Variants in CDCA4 observed in about 807,000 individuals in gnomAD.
CDCA4 encodes the protein cell division cycle-associated protein 4.
For missense variants in CDCA4, 294 were observed against 322.1 expected, an observed-to-expected ratio of 0.91 and a Z score of 0.67; for synonymous variants, 130 against 137.0, an observed-to-expected ratio of 0.95 and a Z score of 0.36.
chr14:105,019,159 T>TA (rs1404016241), intron 1 of CDCA4, among the ~76,000 whole-genome samples: 1 of 152,090 alleles, frequency 6.6e-6, no homozygotes, highest in Non-Finnish European at 1.5e-5. Flanking sequence ...CTCAGGCTTC[T>TA]AAACCAAGCA....
intron 1 of CDCA4, among the ~76,000 whole-genome samples, chr14:105,017,842 A>G (rs1886123975): frequency 6.8e-6 from 1 of 147,388 alleles, no homozygotes; most frequent in Non-Finnish European, 1.5e-5. Flanking sequence ...AAAAAAAAAC[A>G]CACACACACA....
At chr14:105,018,783 C>T (rs1208925751) in intron 1 of CDCA4, among the ~76,000 whole-genome samples, 2 of 151,076 alleles carry the variant, frequency 1.3e-5, no homozygotes, top group African/African-American at 4.9e-5. Context: ...GTCCCCCAGG[C>T]TGGAGTGCAG....
At position 105,016,171 on chromosome 14, in the gene CDCA4, C is replaced by T. The variant is rs150908469; in HGVS notation, c.-6-4236G>A. 7.2e-5 allele frequency among the ~76,000 whole-genome samples: 11 copies of T among 152,306 alleles called. No homozygotes were observed. In the East Asian group the frequency reaches 2.1e-3, roughly 29 times the overall value. Reference sequence around the variant, plus strand: ...CTGTTCTCACCTGGTTGCTTATTTCCACAGCTCACCATAGACAATCTGGAA... The same window carrying T: ...CTGTTCTCACCTGGTTGCTTATTTCTACAGCTCACCATAGACAATCTGGAA... On this transcript the variant is annotated intron_variant, in intron 1 of 1. Coordinates refer to ENST00000336219, the MANE Select transcript of CDCA4 (RefSeq NM_017955.4).
intron 1 of CDCA4, among the ~76,000 whole-genome samples, chr14:105,014,520 CAT>C (rs1287396736): frequency 6.6e-6 from 1 of 152,220 alleles, no homozygotes; most frequent in Non-Finnish European, 1.5e-5. Context: ...CTCACACCTG[CAT>C]ACACCAGCTT....
intron 1 of CDCA4, among the ~76,000 whole-genome samples, 189 bp from the exon 2 acceptor site, chr14:105,012,124 G>C (rs1450666716): frequency 6.6e-6 from 1 of 152,172 alleles, no homozygotes; most frequent in Non-Finnish European, 1.5e-5. Context: ...CCCACCCCCA[G>C]ATCAGCTGCC....
chr14:105,015,199 G>A (rs1159341393), intron 1 of CDCA4, among the ~76,000 whole-genome samples: 1 of 152,052 alleles, frequency 6.6e-6, no homozygotes, highest in Admixed American at 6.6e-5. Context: ...AGACCCTCCC[G>A]CCCTTTTCTG....
chr14:105,017,027 C>A (rs928790961), intron 1 of CDCA4, among the ~76,000 whole-genome samples: 9 of 152,282 alleles, frequency 5.9e-5, no homozygotes, highest in African/African-American at 1.9e-4. Flanking sequence ...AAGAAATAAT[C>A]GTTTTATAAA....
chr14:105,011,675 C>T lies in CDCA4; in HGVS notation c.255G>A (p.Gln85=), dbSNP rs776082998. 8.1e-6 allele frequency: 13 copies of T among 1,613,644 alleles called. No individual in the cohort carries two copies. Among genetic ancestry groups the T allele is most frequent in the Non-Finnish European group, 1.1e-5 (13 of 1,180,008 alleles). The change falls in exon 2 of 2, where the codon CAG becomes CAA. Residue 85 remains glutamine, a synonymous_variant. Transcript: ENST00000336219. The stretch of plus-strand genomic sequence containing the variant: ...GGTCGAGCGGCGCCCGCTCTGCAGC[C>T]TGGGGTGCCACTGTGCGCCACGTCC... ...QDGTWRTVAP[Q]AAERAPLDRL...
In CDCA4 at chr14:105,010,963, G is replaced by A; in HGVS notation, c.*241C>T. Reference sequence around the variant, plus strand: ...AAAGAGACACGAGGGGCCCAGGGCTGTGGGGACGTCAGAAGACAAGAAGCC... The same window carrying A: ...AAAGAGACACGAGGGGCCCAGGGCTATGGGGACGTCAGAAGACAAGAAGCC... On this transcript the variant is annotated 3_prime_UTR_variant, in exon 2 of 2. Coordinates refer to ENST00000336219, the MANE Select transcript of CDCA4 (RefSeq NM_017955.4). The A allele has an allele frequency of 1.8e-6, 1 of 570,868 alleles. No homozygotes were observed. Among genetic ancestry groups the A allele is most frequent in the Non-Finnish European group, 3.1e-6 (1 of 324,298 alleles). The allele number at this position is 570,868 out of a possible 1,614,324, so 35.4% of individuals were successfully genotyped here.
Position 105,011,313 on chromosome 14 carries a change from G to A in CDCA4, c.617C>T (p.Pro206Leu), listed in dbSNP as rs893015818. The change falls in exon 2 of 2, where the codon CCC becomes CTC. Residue 206 changes from proline to leucine, a missense_variant. Transcript: ENST00000336219. ...TGMMGGARPG[P>L]CEGLEGLAPA... ...AGCCAAGCCCTCGAGCCCTTCGCAG[G>A]GGCCCGGCCTGGCACCCCCCATCAT... 1.9e-6 allele frequency: 3 copies of A among 1,613,992 alleles called. No individual in the cohort carries two copies. Among genetic ancestry groups the A allele is most frequent in the Non-Finnish European group, 2.5e-6 (3 of 1,180,006 alleles).
chr14:105,013,503 C>A (rs1900559090), intron 1 of CDCA4, among the ~76,000 whole-genome samples: 1 of 152,220 alleles, frequency 6.6e-6, no homozygotes, highest in Non-Finnish European at 1.5e-5. Context: ...AACTTTGGAA[C>A]TTCTTTTTCT....
In CDCA4 at chr14:105,010,973, C is replaced by T; in HGVS notation, c.*231G>A. ...GAGGGGCCCAGGGCTGTGGGGACGT[C>T]AGAAGACAAGAAGCCTTCCAGAACA... On this transcript the variant is annotated 3_prime_UTR_variant, in exon 2 of 2. Coordinates refer to ENST00000336219, the MANE Select transcript of CDCA4 (RefSeq NM_017955.4). 1 of 581,600 alleles carries T rather than the reference C, an allele frequency of 1.7e-6. No individual in the cohort carries two copies. The highest frequency in any genetic ancestry group is 3.0e-6 in the Non-Finnish European group (1 of 331,978). 36.0% of individuals were successfully genotyped at this position (581,600 alleles called of 1,614,324 possible).
At chr14:105,013,548 A>G (rs1485999998) in intron 1 of CDCA4, among the ~76,000 whole-genome samples, 1 of 152,230 alleles carries the variant, frequency 6.6e-6, no homozygotes, top group African/African-American at 2.4e-5. Context: ...TGACCAGGGT[A>G]TACCCAGGTG....
chr14:105,015,162 C>T (rs1455499419), intron 1 of CDCA4, among the ~76,000 whole-genome samples: 1 of 152,158 alleles, frequency 6.6e-6, no homozygotes, highest in Non-Finnish European at 1.5e-5. Flanking sequence ...CTTAGAAATG[C>T]CAGGTCCTGA....
chr14:105,009,576 G>GA lies in CDCA4; in HGVS notation c.*1627dup, dbSNP rs1900441143. The GA allele has an allele frequency of 1.3e-5, 2 of 152,128 alleles. No homozygotes were observed. Among genetic ancestry groups the GA allele is most frequent in the Admixed American group, 1.3e-4 (2 of 15,268 alleles). The allele number at this position is 152,128 out of a possible 1,614,324, so 9.4% of individuals were successfully genotyped here. A position where few individuals can be genotyped will look rare whatever the true frequency, so the allele number is the denominator to read the frequency against. ...AGGCACTACAACTACTACTAATGCTGAACAAATGATGTTTCTAAAAGATAA... is the reference window on the plus strand; with the variant it reads ...AGGCACTACAACTACTACTAATGCTGAAACAAATGATGTTTCTAAAAGATAA... On this transcript the variant is annotated 3_prime_UTR_variant, in exon 2 of 2. Transcript: ENST00000336219.
Position 105,011,233 on chromosome 14 carries a change from G to A in CDCA4, c.697C>T (p.His233Tyr). ...GTCTCCACCAGGATCTCCACCACGTGGTCCAGCTCGCCCAGGTCGGACTTG... is the reference window on the plus strand; with the variant it reads ...GTCTCCACCAGGATCTCCACCACGTAGTCCAGCTCGCCCAGGTCGGACTTG... Reference protein sequence around the residue: ...SCKSDLGELDHVVEILVET With the variant: ...SCKSDLGELDYVVEILVET The change falls in exon 2 of 2, where the codon CAC (histidine) becomes TAC (tyrosine). Residue 233 changes from histidine (H) to tyrosine (Y), a missense_variant. Physicochemically the swap from His to Tyr is moderately conservative, Grantham distance 83 (BLOSUM62 2). Transcript: ENST00000336219. The A allele has an allele frequency of 6.2e-7, 1 of 1,612,358 alleles. No homozygotes were observed. The highest frequency in any genetic ancestry group is 8.5e-7 in the Non-Finnish European group (1 of 1,179,328).
At chr14:105,020,350 C>T (rs901706265) in intron 1 of CDCA4, among the ~76,000 whole-genome samples, 1 of 152,230 alleles carries the variant, frequency 6.6e-6, no homozygotes, top group East Asian at 1.9e-4. Flanking sequence ...AGCGAGGCAG[C>T]GGAGACCCTC....
At chr14:105,020,505 G>A (rs77066495) in intron 1 of CDCA4, among the ~76,000 whole-genome samples, 24,799 of 152,156 alleles carry the variant, frequency 0.16, 2,316 homozygotes, top group African/African-American at 0.24. Context: ...CGCCGGAGGA[G>A]CCCAGGGAAG....
chr14:105,020,749 G>A (rs148168676), intron 1 of CDCA4, among the ~76,000 whole-genome samples: 1 of 151,978 alleles, frequency 6.6e-6, no homozygotes, highest in Non-Finnish European at 1.5e-5. Flanking sequence ...CGCAAGGAAC[G>A]CAGACGGCGG....
Sources: allele counts gnomAD v4.1 joint callset (sites outside exome capture counted in the v4.1 genomes callset), GRCh38; gene constraint gnomAD v4.1.1; transcripts MANE v1.5; gene names NCBI Gene and HGNC (gene_info 2026-07-23, HGNC 2026-07-21).